MYO1E: variants seen among roughly 807,000 people sequenced by gnomAD.
The protein encoded by MYO1E is myosin IE.
MYO1E carries 68 observed loss-of-function variants against 151.1 expected under a neutral mutation model. The observed-to-expected ratio is 0.45, with a 90% CI of 0.37 to 0.55. MYO1E has a LOEUF of 0.55. MYO1E is among the 20% of genes least tolerant of loss of function. The probability of loss-of-function intolerance (pLI) is 0.00; values close to 1 mark genes in which losing one functional copy is unlikely to be tolerated. For missense variants in MYO1E, 1,363 were observed against 1,389.3 expected, an observed-to-expected ratio of 0.98 and a Z score of 0.30; for synonymous variants, 601 against 501.7, an observed-to-expected ratio of 1.20 and a Z score of -2.64.
intron 4 of MYO1E, among the ~76,000 whole-genome samples, chr15:59,242,315 C>T (rs553142885): frequency 1.3e-5 from 2 of 152,012 alleles, no homozygotes; most frequent in Non-Finnish European, 2.9e-5. Flanking sequence ...TCAAACTGGG[C>T]GTGGAACATA....
At chr15:59,152,989 C>T (rs1458590782) in intron 26 of MYO1E, among the ~76,000 whole-genome samples, 2 of 152,230 alleles carry the variant, frequency 1.3e-5, no homozygotes, top group African/African-American at 4.8e-5. Context: ...CCTACGACTC[C>T]ACAGGACATG....
At chr15:59,203,623 C>T (rs1250677822) in intron 15 of MYO1E, among the ~76,000 whole-genome samples, 3 of 152,168 alleles carry the variant, frequency 2.0e-5, no homozygotes, top group African/African-American at 7.2e-5. Flanking sequence ...ATCCACCCAC[C>T]TTGGCCTCCC....
intron 26 of MYO1E, among the ~76,000 whole-genome samples, chr15:59,149,044 TTTTTTTTG>T (rs1428798174): frequency 1.2e-4 from 7 of 56,410 alleles, no homozygotes; most frequent in African/African-American, 2.8e-4. Flanking sequence ...AACTGTTTTT[TTTTTTTTG>T]TTTTTTTTTT....
At chr15:59,209,808 G>A (rs1349422117) in intron 13 of MYO1E, among the ~76,000 whole-genome samples, 3 of 81,758 alleles carry the variant, frequency 3.7e-5, no homozygotes, top group Non-Finnish European at 7.7e-5. Flanking sequence ...CTTTTATTTT[G>A]AATCACCTTT....
intron 1 of MYO1E, among the ~76,000 whole-genome samples, chr15:59,365,915 A>G (rs2080910312): frequency 6.6e-6 from 1 of 152,210 alleles, no homozygotes; most frequent in South Asian, 2.1e-4. Context: ...AATAGGAATG[A>G]TCACACTGGG....
intron 1 of MYO1E, among the ~76,000 whole-genome samples, chr15:59,302,385 G>A (rs1773595164): frequency 6.6e-6 from 1 of 152,140 alleles, no homozygotes; most frequent in Admixed American, 6.5e-5. Context: ...TGAGACGCGG[G>A]GCAGTGTGCT....
At chr15:59,250,229 A>G (rs541344974) in intron 4 of MYO1E, among the ~76,000 whole-genome samples, 1 of 152,198 alleles carries the variant, frequency 6.6e-6, no homozygotes, top group African/African-American at 2.4e-5. Flanking sequence ...TGACGATATG[A>G]TTTATGTCGG....
chr15:59,321,364 A>G (rs2080624821), intron 1 of MYO1E, among the ~76,000 whole-genome samples: 1 of 152,264 alleles, frequency 6.6e-6, no homozygotes, highest in Non-Finnish European at 1.5e-5. Context: ...TTGTTCTACC[A>G]AAACGACACA....
At chr15:59,256,712 G>A (rs1265429338) in intron 3 of MYO1E, among the ~76,000 whole-genome samples, 1 of 152,128 alleles carries the variant, frequency 6.6e-6, no homozygotes, top group Admixed American at 6.6e-5. Flanking sequence ...CGCCTCTGCA[G>A]GTGACAGTCC....
chr15:59,243,633 C>G (rs2080112916), intron 4 of MYO1E, among the ~76,000 whole-genome samples: 1 of 152,080 alleles, frequency 6.6e-6, no homozygotes, highest in African/African-American at 2.4e-5. Flanking sequence ...TAAAAATCAA[C>G]AAGGTTTCAC....
At chr15:59,223,015 G>A (rs777581453) in intron 9 of MYO1E, 44 bp downstream of exon 9, 1 of 1,612,498 alleles carries the variant, frequency 6.2e-7, no homozygotes, top group South Asian at 1.1e-5. Flanking sequence ...TCTAATCAGA[G>A]CTAGCCACCC....
At chr15:59,242,659 G>T (rs202050746) in intron 4 of MYO1E, among the ~76,000 whole-genome samples, 1 of 152,186 alleles carries the variant, frequency 6.6e-6, no homozygotes, top group Non-Finnish European at 1.5e-5. Context: ...GCTGGTAGGT[G>T]GAGGTTTGGA....
intron 1 of MYO1E, among the ~76,000 whole-genome samples, chr15:59,349,636 G>A (rs1409107822): frequency 6.6e-6 from 1 of 152,124 alleles, no homozygotes; most frequent in African/African-American, 2.4e-5. Flanking sequence ...TGTGATGTCT[G>A]TTCTACATGA....
chr15:59,366,166 A>T (rs1461552406), intron 1 of MYO1E, among the ~76,000 whole-genome samples: 5 of 152,044 alleles, frequency 3.3e-5, no homozygotes, highest in Non-Finnish European at 7.4e-5. Flanking sequence ...TTTAGTAGAG[A>T]CGGGGTTTCA....
chr15:59,158,270 G>A lies in MYO1E; in HGVS notation c.2878+17C>T. The A allele has an allele frequency of 1.3e-6, 2 of 1,536,468 alleles. No individual in the cohort carries two copies. The highest frequency in any genetic ancestry group is 1.2e-5 in the South Asian group (1 of 84,328). ...CCAGATTTAGTGGTCCCAGACTACG[G>A]TACGTAGCTGGCTTACCTGGGGGAG... is the stretch of plus-strand genomic sequence containing the variant. On this transcript the variant is annotated intron_variant, in intron 25 of 27. Transcript: ENST00000288235.
intron 1 of MYO1E, among the ~76,000 whole-genome samples, chr15:59,297,959 T>G (rs1271669499): frequency 6.6e-6 from 1 of 152,198 alleles, no homozygotes; most frequent in African/African-American, 2.4e-5. Context: ...CTGATATTTG[T>G]CATACTTAGA....
intron 1 of MYO1E, among the ~76,000 whole-genome samples, chr15:59,334,185 G>T (rs1207331167): frequency 6.6e-6 from 1 of 152,176 alleles, no homozygotes. Context: ...GGAAGCTGAA[G>T]CAGGAGGGTC....
chr15:59,314,252 A>C (rs1446517372), intron 1 of MYO1E, among the ~76,000 whole-genome samples: 2 of 152,226 alleles, frequency 1.3e-5, no homozygotes, highest in African/African-American at 4.8e-5. Flanking sequence ...AATATGAATG[A>C]CAACTCTGTG....
intron 1 of MYO1E, among the ~76,000 whole-genome samples, chr15:59,332,716 T>C (rs201756154): frequency 1.3e-5 from 2 of 149,750 alleles, no homozygotes; most frequent in East Asian, 3.9e-4. Flanking sequence ...GGCGCTCTAT[T>C]TTTTTTTTTA....
Sources: gnomAD v4.1 joint callset for allele counts (sites outside exome capture counted in the v4.1 genomes callset) on GRCh38, gnomAD v4.1.1 for gene constraint, MANE v1.5 for transcripts, NCBI Gene and HGNC (gene_info 2026-07-23, HGNC 2026-07-21) for gene names.